Variants in CFAP20DC observed in about 807,000 individuals in gnomAD.
CFAP20DC encodes the protein protein CFAP20DC.
Under a neutral mutation model 101.7 loss-of-function variants are expected in CFAP20DC, and 84 were observed. The observed-to-expected ratio is 0.83, with a 90% confidence interval of 0.69 to 0.99. The LOEUF is 0.99. Among genes scored for constraint, CFAP20DC ranks in the 50% least tolerant of loss-of-function variants. The pLI is 0.00. For missense variants in CFAP20DC, 1,007 were observed against 970.3 expected, an observed-to-expected ratio of 1.04 and a Z score of -0.50; for synonymous variants, 359 against 351.2, an observed-to-expected ratio of 1.02 and a Z score of -0.25.
At chr3:58,955,700 G>A (rs1576473783) in intron 4 of CFAP20DC, among the ~76,000 whole-genome samples, 1 of 151,950 alleles carries the variant, frequency 6.6e-6, no homozygotes, top group African/African-American at 2.4e-5. Flanking sequence ...CAGTGAACTG[G>A]GGGGGCATGT....
intron 7 of CFAP20DC, among the ~76,000 whole-genome samples, chr3:58,879,661 G>A (rs1045387259): frequency 1.1e-4 from 17 of 152,082 alleles, no homozygotes; most frequent in African/African-American, 3.9e-4. Flanking sequence ...AAGCAATCAA[G>A]TAAATAAGAA....
chr3:58,966,558 C>T (rs1318281162), intron 4 of CFAP20DC, among the ~76,000 whole-genome samples: 1 of 149,996 alleles, frequency 6.7e-6, no homozygotes, highest in Non-Finnish European at 1.5e-5. Flanking sequence ...GAGTCTCACT[C>T]TGTAGCTCAG....
chr3:58,948,377 T>A (rs1413342289), intron 4 of CFAP20DC, among the ~76,000 whole-genome samples: 1 of 152,254 alleles, frequency 6.6e-6, no homozygotes, highest in African/African-American at 2.4e-5. Flanking sequence ...TTTAATCACA[T>A]TTTTTATTGA....
rs2108301721 is a variant in CFAP20DC at position 58,849,124 on chromosome 3, C to A, written c.1879G>T (p.Asp627Tyr). The A allele has an allele frequency of 6.5e-7, 1 of 1,536,030 alleles. No individual in the cohort carries two copies. The highest frequency in any genetic ancestry group is 2.4e-5 in the East Asian group (1 of 40,904). Reference protein sequence around the residue: ...KTPEPVIKAKDLSAQQVPASL... With the variant: ...KTPEPVIKAKYLSAQQVPASL... The stretch of plus-strand genomic sequence containing the variant: ...GCTGGCACTTGCTGGGCTGATAGAT[C>A]CTTCGCTTTGATTACGGGCTCTGGA... Residue 627 changes from aspartate (D) to tyrosine (Y), a missense_variant, in exon 13 of 17, where the codon GAT becomes TAT. By Grantham distance (160) the Asp-to-Tyr change is radical. Coordinates refer to ENST00000482387, the MANE Select transcript of CFAP20DC (RefSeq NM_001394063.1).
At chr3:59,047,104 TCTATAAG>T (rs1182202119) in intron 2 of CFAP20DC, 54 bp downstream of exon 2, 1 of 1,100,802 alleles carries the variant, frequency 9.1e-7, no homozygotes, top group Non-Finnish European at 1.3e-6. Flanking sequence ...CGCCCTTTCT[TCTATAAG>T]CTTCACTCAC....
chr3:58,942,067 A>G (rs759621301), intron 4 of CFAP20DC, among the ~76,000 whole-genome samples: 2 of 152,082 alleles, frequency 1.3e-5, no homozygotes, highest in African/African-American at 2.4e-5. Context: ...TCTTTTTTCA[A>G]TCATGAAAGG....
chr3:59,012,762 A>G (rs2093612395), intron 4 of CFAP20DC, among the ~76,000 whole-genome samples: 1 of 152,222 alleles, frequency 6.6e-6, no homozygotes, highest in Admixed American at 6.5e-5. Context: ...AGAAAAAGGA[A>G]GTAGAAATTA....
chr3:58,832,456 C>A (rs1211732357), intron 13 of CFAP20DC, among the ~76,000 whole-genome samples: 1 of 152,036 alleles, frequency 6.6e-6, no homozygotes, highest in African/African-American at 2.4e-5. Context: ...TAAACAAAAA[C>A]TCAAAGTAGT....
In CFAP20DC at chr3:58,742,489, G is replaced by A; in HGVS notation, c.2416C>T (p.Gln806Ter). The change falls in exon 17 of 17, where the codon CAA becomes TAA. Residue 806 changes from glutamine (Q) to a stop codon, truncating the protein, a stop_gained. Coordinates refer to ENST00000482387, the MANE Select transcript of CFAP20DC (RefSeq NM_001394063.1). LOFTEE classifies it high-confidence loss of function. ...DPCLNCYFDP[Q>*]TGKYYELV The stretch of plus-strand genomic sequence containing the variant: ...ACCAACTCATAGTATTTCCCTGTTT[G>A]GGGGTCAAAGTAACAGTTCAGACAA... 1.2e-6 allele frequency: 2 copies of A among 1,606,928 alleles called. No homozygotes were observed. Among genetic ancestry groups the A allele is most frequent in the Non-Finnish European group, 1.7e-6 (2 of 1,176,448 alleles).
At chr3:58,780,530 T>A (rs970301815) in intron 15 of CFAP20DC, among the ~76,000 whole-genome samples, 1 of 151,930 alleles carries the variant, frequency 6.6e-6, no homozygotes, top group Non-Finnish European at 1.5e-5. Flanking sequence ...TCCAAGTATA[T>A]GCTGCCTACA....
chr3:59,038,648 T>C (rs2094145233), intron 4 of CFAP20DC, among the ~76,000 whole-genome samples: 1 of 152,282 alleles, frequency 6.6e-6, no homozygotes, highest in East Asian at 1.9e-4. Flanking sequence ...GTATTATTTA[T>C]CTGTTAGGGT....
At position 59,015,841 on chromosome 3, in the gene CFAP20DC, T is replaced by C. The variant is rs1026227468; in HGVS notation, c.278+23716A>G. Among the ~76,000 whole-genome samples, 3 of 152,140 alleles carry C rather than the reference T, an allele frequency of 2.0e-5. No individual in the cohort carries two copies. Among genetic ancestry groups the C allele is most frequent in the African/African-American group, 7.2e-5 (3 of 41,444 alleles). ...GTAGAGCTGGGGACAACAACCTTTC[T>C]GCTGTTAAGTCTGTTTTACTCTTTA... is the stretch of plus-strand genomic sequence containing the variant. On this transcript the variant is annotated intron_variant, in intron 4 of 16. Transcript: ENST00000482387. The surrounding 1 kb of genome is among the most constrained non-coding windows in gnomAD (Gnocchi z 5.4).
At chr3:58,793,044 A>G (rs1275052951) in intron 15 of CFAP20DC, among the ~76,000 whole-genome samples, 2 of 152,132 alleles carry the variant, frequency 1.3e-5, no homozygotes, top group Non-Finnish European at 2.9e-5. Flanking sequence ...TTAATAGAGA[A>G]TGGCCCAAAA....
intron 4 of CFAP20DC, among the ~76,000 whole-genome samples, chr3:59,022,778 A>G (rs1313807677): frequency 2.0e-5 from 3 of 152,090 alleles, no homozygotes; most frequent in African/African-American, 7.2e-5. Flanking sequence ...AGGGCAGATG[A>G]CTTGATTTTA....
chr3:58,978,366 A>C (rs2092370690), intron 4 of CFAP20DC, among the ~76,000 whole-genome samples: 1 of 152,090 alleles, frequency 6.6e-6, no homozygotes, highest in Non-Finnish European at 1.5e-5. Flanking sequence ...AAGCAACCTA[A>C]TTGCCTCATA....
At chr3:58,758,995 C>T (rs1019333031) in intron 15 of CFAP20DC, among the ~76,000 whole-genome samples, 37 of 152,322 alleles carry the variant, frequency 2.4e-4, no homozygotes, top group African/African-American at 8.7e-4. Flanking sequence ...CTGCAATAAA[C>T]ATACATGTGC....
intron 6 of CFAP20DC, among the ~76,000 whole-genome samples, chr3:58,896,609 C>T (rs1033052308): frequency 6.6e-6 from 1 of 152,146 alleles, no homozygotes; most frequent in Non-Finnish European, 1.5e-5. Flanking sequence ...TTTCAAAAAA[C>T]TTCTTGATTT....
chr3:58,806,944 G>A (rs535228032), intron 14 of CFAP20DC, among the ~76,000 whole-genome samples: 38 of 152,240 alleles, frequency 2.5e-4, no homozygotes, highest in Admixed American at 1.2e-3. Flanking sequence ...AGGGTCCTAC[G>A]CCCACGGAGT....
intron 4 of CFAP20DC, among the ~76,000 whole-genome samples, chr3:59,036,430 A>G (rs1243528291): frequency 6.6e-6 from 1 of 152,216 alleles, no homozygotes; most frequent in African/African-American, 2.4e-5. Flanking sequence ...TAAGCTGATA[A>G]CCAACTTCAA....
Sources: gnomAD v4.1 joint callset for allele counts (sites outside exome capture counted in the v4.1 genomes callset) on GRCh38, gnomAD v4.1.1 for gene constraint, Gnocchi (gnomAD v3.1) non-coding constraint, MANE v1.5 for transcripts, NCBI Gene and HGNC (gene_info 2026-07-23, HGNC 2026-07-21) for gene names.